The following ZNF618 variants were observed in gnomAD, a reference collection of about 807,000 sequenced individuals.
The protein encoded by ZNF618 is zinc finger protein 618, also known as neural precursor cell expressed, developmentally down-regulated 10.
ZNF618 carries 34 observed loss-of-function variants against 103.0 expected under a neutral mutation model. The observed-to-expected ratio is 0.33, with a 90% CI of 0.25 to 0.44. ZNF618 has a LOEUF of 0.44. Among genes scored for constraint, ZNF618 ranks in the 20% least tolerant of loss-of-function variants. The probability of loss-of-function intolerance (pLI) is 1.00; values close to 1 mark genes in which losing one functional copy is unlikely to be tolerated. For synonymous variants in ZNF618, 551 were observed against 542.2 expected (o/e 1.02, Z -0.23); for missense variants, 1,059 against 1,295.4 (o/e 0.82, Z 2.80).
chr9:113,898,357 G>A (rs1830218433), intron 1 of ZNF618, among the ~76,000 whole-genome samples: 1 of 151,814 alleles, frequency 6.6e-6, no homozygotes, highest in Admixed American at 6.5e-5. Flanking sequence ...TCAAAATAAG[G>A]GAAGTCTCGT....
intron 9 of ZNF618, among the ~76,000 whole-genome samples, chr9:114,010,130 C>T (rs777396250): frequency 7.3e-5 from 11 of 151,528 alleles, no homozygotes; most frequent in Non-Finnish European, 1.5e-4. Context: ...GCCAATATGG[C>T]GAAACCCCGT....
chr9:114,004,836 C>T (rs1050110285), intron 6 of ZNF618, among the ~76,000 whole-genome samples: 3 of 152,116 alleles, frequency 2.0e-5, no homozygotes, highest in Non-Finnish European at 4.4e-5. Flanking sequence ...GTAGTGGAGG[C>T]GGGCCTAGAA....
intron 1 of ZNF618, among the ~76,000 whole-genome samples, chr9:113,946,571 G>A (rs544631759): frequency 2.2e-4 from 34 of 152,232 alleles, no homozygotes; most frequent in African/African-American, 8.2e-4. Flanking sequence ...GCACCTAGAG[G>A]AAGGGACTCG....
At position 114,049,386 on chromosome 9, in the gene ZNF618, A is replaced by G; in HGVS notation, c.2084A>G (p.Asn695Ser). Residue 695 changes from asparagine to serine, a missense_variant, in exon 15 of 15, where the codon AAC becomes AGC. Asn to Ser is a conservative substitution (Grantham distance 46). Transcript: ENST00000374126. Reference protein sequence around the residue: ...LEETSPPPCWNSVTDSLLLVH... With the variant: ...LEETSPPPCWSSVTDSLLLVH... ...GAGACGTCTCCACCACCCTGCTGGAACTCGGTGACGGACTCACTGTTGCTG... is the reference window on the plus strand; with the variant it reads ...GAGACGTCTCCACCACCCTGCTGGAGCTCGGTGACGGACTCACTGTTGCTG... 6.2e-7 allele frequency: 1 copy of G among 1,604,444 alleles called. No individual in the cohort carries two copies.
intron 2 of ZNF618, among the ~76,000 whole-genome samples, chr9:113,986,033 C>T (rs1286469240): frequency 1.3e-5 from 2 of 152,186 alleles, no homozygotes; most frequent in Non-Finnish European, 2.9e-5. Flanking sequence ...TGTCTGGTGG[C>T]CCTGATGGGA....
rs531698681 is a variant in ZNF618 at position 113,972,009 on chromosome 9, G to T, written c.77+2849G>T. The stretch of plus-strand genomic sequence containing the variant: ...ACTACCATTTGGTCAACATTTCTTT[G>T]TCAGGCTCTGAGCCAAGTGATTTAT... On this transcript the variant is annotated intron_variant, in intron 2 of 14. Coordinates refer to ENST00000374126, the MANE Select transcript of ZNF618 (RefSeq NM_001318042.2). Among the ~76,000 whole-genome samples, 42 of 152,286 alleles carry T rather than the reference G, an allele frequency of 2.8e-4. 1 individual carries two copies. The South Asian group carries it at 8.5e-3, about 31-fold the overall frequency.
In ZNF618 at chr9:114,028,922, A is replaced by G. The variant is rs1482452911; in HGVS notation, c.1034A>G (p.Gln345Arg). 4.5e-6 allele frequency: 7 copies of G among 1,550,758 alleles called. No individual in the cohort carries two copies. Among genetic ancestry groups the G allele is most frequent in the Non-Finnish European group, 6.1e-6 (7 of 1,147,000 alleles). Residue 345 changes from glutamine to arginine, a missense_variant, in exon 11 of 15, where the codon CAG becomes CGG. This residue lies in a region of ZNF618 where 434 missense variants were observed against 476.0 expected (regional missense o/e 0.91). Transcript: ENST00000374126. ...CGCACCCCTCCAGCCACCCAAACCC[A>G]GACGTTCCGCACTCCAAATTCGGGA... ...LHRTPPATQT[Q>R]TFRTPNSGSP...
chr9:114,026,832 A>G (rs961835892), intron 10 of ZNF618, among the ~76,000 whole-genome samples: 7 of 152,126 alleles, frequency 4.6e-5, no homozygotes, highest in South Asian at 2.1e-4. Flanking sequence ...GAGACTTGCT[A>G]TGTGGAGAGG....
chr9:114,009,073 C>A (rs1024238457), intron 9 of ZNF618, among the ~76,000 whole-genome samples: 8 of 152,206 alleles, frequency 5.3e-5, no homozygotes, highest in African/African-American at 1.7e-4. Flanking sequence ...AGGGCAGGAG[C>A]CACACACGTC....
At chr9:113,956,597 G>A (rs2026143) in intron 1 of ZNF618, among the ~76,000 whole-genome samples, 87,392 of 151,976 alleles carry the variant, frequency 0.58, 25,453 homozygotes, top group East Asian at 0.68. Flanking sequence ...GAAAACAGCA[G>A]GCCACCCTCA....
intron 1 of ZNF618, among the ~76,000 whole-genome samples, chr9:113,910,340 C>A (rs1002388998): frequency 6.6e-6 from 1 of 152,166 alleles, no homozygotes; most frequent in East Asian, 1.9e-4. Flanking sequence ...GTTTGTTCAC[C>A]TGGTTCCTGC....
intron 1 of ZNF618, among the ~76,000 whole-genome samples, chr9:113,964,695 A>G (rs1250769073): frequency 2.0e-5 from 3 of 151,744 alleles, no homozygotes; most frequent in African/African-American, 7.3e-5. Context: ...GAGAATTAAA[A>G]CCAAAATGAA....
intron 13 of ZNF618, among the ~76,000 whole-genome samples, chr9:114,044,149 GTTATC>G (rs1363900056): frequency 1.3e-5 from 2 of 152,096 alleles, no homozygotes; most frequent in African/African-American, 2.4e-5. Context: ...TTTTTCTGAT[GTTATC>G]TTCTAGAATT....
intron 1 of ZNF618, among the ~76,000 whole-genome samples, chr9:113,934,341 G>A (rs1184645237): frequency 6.6e-6 from 1 of 152,088 alleles, no homozygotes; most frequent in Non-Finnish European, 1.5e-5. Flanking sequence ...CACCCTCTGG[G>A]GTGCCCCAGG....
chr9:113,898,653 C>T (rs745556433), intron 1 of ZNF618, among the ~76,000 whole-genome samples: 1 of 152,118 alleles, frequency 6.6e-6, no homozygotes, highest in Non-Finnish European at 1.5e-5. Flanking sequence ...TCTCAAACTC[C>T]TGGCCTCAAG....
At chr9:113,921,976 T>TA in intron 1 of ZNF618, among the ~76,000 whole-genome samples, 1 of 152,182 alleles carries the variant, frequency 6.6e-6, no homozygotes, top group South Asian at 2.1e-4. Flanking sequence ...CAAAAAGGAA[T>TA]AAAAAAATCA....
intron 10 of ZNF618, among the ~76,000 whole-genome samples, chr9:114,020,420 A>G (rs1241970635): frequency 2.0e-5 from 3 of 152,172 alleles, no homozygotes; most frequent in Non-Finnish European, 2.9e-5. Flanking sequence ...CATCATTACA[A>G]TAATATTGGG....
At chr9:113,947,346 A>G (rs779437376) in intron 1 of ZNF618, among the ~76,000 whole-genome samples, 1 of 152,232 alleles carries the variant, frequency 6.6e-6, no homozygotes, top group Non-Finnish European at 1.5e-5. Context: ...CTTACTCCAC[A>G]GCATTACCAT....
intron 12 of ZNF618, among the ~76,000 whole-genome samples, chr9:114,034,541 C>T (rs1288372398): frequency 6.6e-6 from 1 of 152,218 alleles, no homozygotes; most frequent in East Asian, 1.9e-4. Context: ...CTTTCCACAG[C>T]CCCATGGGGG....
Sources: allele counts gnomAD v4.1 joint callset (sites outside exome capture counted in the v4.1 genomes callset), GRCh38; gene constraint gnomAD v4.1.1; regional missense constraint gnomAD v4.1.1; transcripts MANE v1.5; gene names NCBI Gene and HGNC (gene_info 2026-07-23, HGNC 2026-07-21).